Variants in PLAG1 observed in about 807,000 individuals in gnomAD.
PLAG1 encodes the protein PLAG1 zinc finger, also known as zinc finger protein PLAG1.
PLAG1 carries 7 observed loss-of-function variants against 35.5 expected under a neutral mutation model. That is an observed-to-expected ratio of 0.20 (90% CI 0.11 to 0.37). The LOEUF is 0.37. PLAG1 is among the 10% of genes least tolerant of loss of function. PLAG1 has a pLI of 1.00. For synonymous variants in PLAG1, 229 were observed against 225.4 expected (o/e 1.02, Z -0.14); for missense variants, 454 against 602.8 (o/e 0.75, Z 2.58).
intron 1 of PLAG1, among the ~76,000 whole-genome samples, chr8:56,191,630 T>C (rs886519716): frequency 6.6e-6 from 1 of 152,196 alleles, no homozygotes; most frequent in African/African-American, 2.4e-5. Context: ...ATCCTTTTTT[T>C]TTTAAAGGCA....
At chr8:56,180,420 T>C (rs1811831024) in intron 1 of PLAG1, among the ~76,000 whole-genome samples, 1 of 152,216 alleles carries the variant, frequency 6.6e-6, no homozygotes, top group African/African-American at 2.4e-5. Flanking sequence ...CACAGGTTAG[T>C]TGTGGCTGCA....
At position 56,165,175 on chromosome 8, in the gene PLAG1, C is replaced by T. The variant is rs1356795363; in HGVS notation, c.*1068G>A. The T allele has an allele frequency of 4.7e-6, 1 of 212,742 alleles. No homozygotes were observed. The highest frequency in any genetic ancestry group is 9.5e-6 in the Non-Finnish European group (1 of 105,120). 13.2% of individuals were successfully genotyped at this position (212,742 alleles called of 1,614,324 possible). On this transcript the variant is annotated 3_prime_UTR_variant, in exon 5 of 5. Coordinates refer to ENST00000316981, the MANE Select transcript of PLAG1 (RefSeq NM_002655.3). ...CTTCTAAAAAGTCCAGTTTTTAACC[C>T]TGGCTACAGGGGCCATGATCCCTAC...
At chr8:56,169,923 T>G (rs1324352960) in intron 3 of PLAG1, among the ~76,000 whole-genome samples, 1 of 152,228 alleles carries the variant, frequency 6.6e-6, no homozygotes, top group African/African-American at 2.4e-5. Flanking sequence ...ACCTGTGTTT[T>G]GGCACCAGAC....
At chr8:56,180,293 T>C (rs1585793772) in intron 1 of PLAG1, among the ~76,000 whole-genome samples, 2 of 152,280 alleles carry the variant, frequency 1.3e-5, no homozygotes, top group East Asian at 3.9e-4. Context: ...TGGTTACCAC[T>C]CTCCTAAGAC....
chr8:56,184,643 T>C (rs1811969248), intron 1 of PLAG1, among the ~76,000 whole-genome samples: 1 of 152,216 alleles, frequency 6.6e-6, no homozygotes, highest in African/African-American at 2.4e-5. Context: ...CTCATGTCTG[T>C]AATCCCAGCA....
rs772515630 is a variant in PLAG1 at position 56,166,971 on chromosome 8, A to G, written c.775T>C (p.Ser259Pro). 1 of 1,614,138 alleles carries G rather than the reference A, an allele frequency of 6.2e-7. No homozygotes were observed. Among genetic ancestry groups the G allele is most frequent in the Non-Finnish European group, 8.5e-7 (1 of 1,179,996 alleles). Residue 259 changes from serine to proline, a missense_variant, in exon 5 of 5, where the codon TCT (serine) becomes CCT (proline). Physicochemically the swap from Ser to Pro is moderately conservative, Grantham distance 74 (BLOSUM62 -1). This residue lies in a region of PLAG1 where 271 missense variants were observed against 315.6 expected (regional missense o/e 0.86). Coordinates refer to ENST00000316981, the MANE Select transcript of PLAG1 (RefSeq NM_002655.3). ...DFLDPFTCNV[S>P]VPIKDELLPV... Reference sequence around the variant, plus strand: ...AGGAGCTCGTCTTTTATAGGCACAGACACATTGCAGGTAAATGGGTCAAGG... The same window carrying G: ...AGGAGCTCGTCTTTTATAGGCACAGGCACATTGCAGGTAAATGGGTCAAGG...
At position 56,163,210 on chromosome 8, in the gene PLAG1, CTTTTTTTTTTTTTT is replaced by C. The variant is rs34779318; in HGVS notation, c.*3019_*3032del. ...AACTACTTTTATTTAATGTTAATCCCTTTTTTTTTTTTTTTTTTTTTTTTTTAACCAAGCTAAGG... is the reference window on the plus strand; with the variant it reads ...AACTACTTTTATTTAATGTTAATCCCTTTTTTTTTTTTAACCAAGCTAAGG... On this transcript the variant is annotated 3_prime_UTR_variant, in exon 5 of 5. Transcript: ENST00000316981. The C allele has an allele frequency of 5.1e-5, 5 of 97,200 alleles. No individual in the cohort carries two copies. The highest frequency in any genetic ancestry group is 2.2e-4 in the East Asian group (1 of 4,508). 6.0% of individuals were successfully genotyped at this position (97,200 alleles called of 1,614,324 possible). A position where few individuals can be genotyped will look rare whatever the true frequency, so the allele number is the denominator to read the frequency against.
At position 56,164,750 on chromosome 8, in the gene PLAG1, G is replaced by A. The variant is rs1043052288; in HGVS notation, c.*1493C>T. ...AAGAAGATTATGTTGGTTGTCTAAT[G>A]TGAGGAAAAGCCTATAATTATTCAG... is the stretch of plus-strand genomic sequence containing the variant. On this transcript the variant is annotated 3_prime_UTR_variant, in exon 5 of 5. Transcript: ENST00000316981. The A allele has an allele frequency of 8.4e-5, 18 of 214,782 alleles. No homozygotes were observed. The highest frequency in any genetic ancestry group is 3.6e-4 in the African/African-American group (16 of 44,270). 13.3% of individuals were successfully genotyped at this position (214,782 alleles called of 1,614,324 possible).
chr8:56,198,947 A>G (rs1812464737), intron 1 of PLAG1, among the ~76,000 whole-genome samples: 1 of 152,264 alleles, frequency 6.6e-6, no homozygotes, highest in South Asian at 2.1e-4. Context: ...TGTGGAATGA[A>G]TAAGATATAA....
In PLAG1 at chr8:56,164,881, T is replaced by C. The variant is rs1175601363; in HGVS notation, c.*1362A>G. Reference sequence around the variant, plus strand: ...ACTCAACTTATTTGCAATACTCCTATCATTTCCCAGAGATGCATGAAAGTG... The same window carrying C: ...ACTCAACTTATTTGCAATACTCCTACCATTTCCCAGAGATGCATGAAAGTG... On this transcript the variant is annotated 3_prime_UTR_variant, in exon 5 of 5. Coordinates refer to ENST00000316981, the MANE Select transcript of PLAG1 (RefSeq NM_002655.3). 4.3e-5 allele frequency: 9 copies of C among 210,626 alleles called. No homozygotes were observed. The highest frequency in any genetic ancestry group is 6.8e-5 in the Non-Finnish European group (7 of 103,624). 13.0% of individuals were successfully genotyped at this position (210,626 alleles called of 1,614,324 possible).
chr8:56,174,441 G>A (rs1159629037), intron 2 of PLAG1, among the ~76,000 whole-genome samples: 1 of 152,104 alleles, frequency 6.6e-6, no homozygotes, highest in Non-Finnish European at 1.5e-5. Context: ...ACTTTCCATA[G>A]TCTGTAAAAT....
chr8:56,165,037 A>C lies in PLAG1; in HGVS notation c.*1206T>G. 4.8e-6 allele frequency: 1 copy of C among 207,076 alleles called. No individual in the cohort carries two copies. The highest frequency in any genetic ancestry group is 9.9e-6 in the Non-Finnish European group (1 of 101,436). The allele number at this position is 207,076 out of a possible 1,614,324, so 12.8% of individuals were successfully genotyped here. Reference sequence around the variant, plus strand: ...AAAGATGGATTCACATTGAATCAGAAAGATAACATCGGAGTAGGACTGTTG... The same window carrying C: ...AAAGATGGATTCACATTGAATCAGACAGATAACATCGGAGTAGGACTGTTG... On this transcript the variant is annotated 3_prime_UTR_variant, in exon 5 of 5. Coordinates refer to ENST00000316981, the MANE Select transcript of PLAG1 (RefSeq NM_002655.3).
rs1237300608 is a variant in PLAG1 at position 56,189,456 on chromosome 8, T to C, written c.-321-9943A>G. Among the ~76,000 whole-genome samples, 3 of 152,150 alleles carry C rather than the reference T, an allele frequency of 2.0e-5. No homozygotes were observed. The East Asian group carries it at 5.8e-4, about 29-fold the overall frequency. Reference sequence around the variant, plus strand: ...TCTGCACAGAGCTCCGGGTAAGGGATATAAGAACAAACTTACAGATAAACA... The same window carrying C: ...TCTGCACAGAGCTCCGGGTAAGGGACATAAGAACAAACTTACAGATAAACA... On this transcript the variant is annotated intron_variant, in intron 1 of 4. Coordinates refer to ENST00000316981, the MANE Select transcript of PLAG1 (RefSeq NM_002655.3).
intron 1 of PLAG1, among the ~76,000 whole-genome samples, chr8:56,208,046 A>G (rs1300347808): frequency 1.3e-5 from 2 of 152,102 alleles, no homozygotes; most frequent in Non-Finnish European, 2.9e-5. Flanking sequence ...ATAACACGAT[A>G]ATCTAATATA....
rs571493390 is a variant in PLAG1, at chr8:56,204,938, C to T, written c.-322+6183G>A. On this transcript the variant is annotated intron_variant, in intron 1 of 4. Transcript: ENST00000316981. Reference sequence around the variant, plus strand: ...TCTAATAGTAAAGGCAACTTCTATCCCAGAAGATTATACCAAAAGTTTAGA... The same window carrying T: ...TCTAATAGTAAAGGCAACTTCTATCTCAGAAGATTATACCAAAAGTTTAGA... 5.9e-4 allele frequency among the ~76,000 whole-genome samples: 90 copies of T among 151,902 alleles called. No individual in the cohort carries two copies. The South Asian group carries it at 0.018, about 30-fold the overall frequency.
At chr8:56,187,967 T>C (rs1285742045) in intron 1 of PLAG1, among the ~76,000 whole-genome samples, 3 of 152,222 alleles carry the variant, frequency 2.0e-5, no homozygotes, top group Non-Finnish European at 4.4e-5. Flanking sequence ...ATGTAATTAT[T>C]GACTATCCAG....
chr8:56,210,635 T>C (rs1306843303), intron 1 of PLAG1, among the ~76,000 whole-genome samples: 4 of 152,214 alleles, frequency 2.6e-5, no homozygotes, highest in Non-Finnish European at 5.9e-5. Context: ...TCCCCCGGGA[T>C]GTTTTGGTGG....
chr8:56,161,020 G>C lies in PLAG1; in HGVS notation c.*5223C>G. ...AAGCTGCAGTACTATTATTTAATTA[G>C]CAGCAAATTAATATTTTAAATCTGG... is the stretch of plus-strand genomic sequence containing the variant. On this transcript the variant is annotated 3_prime_UTR_variant, in exon 5 of 5. Coordinates refer to ENST00000316981, the MANE Select transcript of PLAG1 (RefSeq NM_002655.3). 5.5e-6 allele frequency: 1 copy of C among 181,438 alleles called. No individual in the cohort carries two copies. Among genetic ancestry groups the C allele is most frequent in the Non-Finnish European group, 1.2e-5 (1 of 84,786 alleles). 11.2% of individuals were successfully genotyped at this position (181,438 alleles called of 1,614,324 possible).
intron 2 of PLAG1, among the ~76,000 whole-genome samples, chr8:56,171,977 T>C (rs912495369): frequency 1.3e-4 from 20 of 152,102 alleles, no homozygotes; most frequent in African/African-American, 4.8e-4. Context: ...ATGAAAAGAA[T>C]AACGGTCAAA....
Sources: allele counts gnomAD v4.1 joint callset (sites outside exome capture counted in the v4.1 genomes callset), GRCh38; gene constraint gnomAD v4.1.1; regional missense constraint gnomAD v4.1.1; transcripts MANE v1.5; gene names NCBI Gene and HGNC (gene_info 2026-07-23, HGNC 2026-07-21).